DLGAP1: variants seen among roughly 807,000 people sequenced by gnomAD.
DLGAP1 encodes disks large-associated protein 1.
Under a neutral mutation model 90.8 loss-of-function variants are expected in DLGAP1, and 11 were observed. The observed-to-expected ratio is 0.12, with a 90% CI of 0.08 to 0.20. DLGAP1 has a LOEUF of 0.20. DLGAP1 is among the 10% of genes least tolerant of loss of function. The pLI, the probability that DLGAP1 is intolerant of heterozygous loss-of-function variation, is 1.00. For synonymous variants in DLGAP1, 558 were observed against 540.7 expected, an observed-to-expected ratio of 1.03 and a Z score of -0.44; for missense variants, 1,050 against 1,333.8, an observed-to-expected ratio of 0.79 and a Z score of 3.31.
intron 1 of DLGAP1, among the ~76,000 whole-genome samples, chr18:4,312,954 C>T (rs2080437928): frequency 1.3e-5 from 2 of 152,144 alleles, no homozygotes; most frequent in East Asian, 3.9e-4. Flanking sequence ...GACATGCACA[C>T]ACAAACTCAT....
chr18:3,905,611 A>C (rs2071888569), intron 3 of DLGAP1, among the ~76,000 whole-genome samples: 1 of 152,078 alleles, frequency 6.6e-6, no homozygotes, highest in Non-Finnish European at 1.5e-5. Flanking sequence ...AGTTATTCCC[A>C]TTGCCCCTCT....
intron 1 of DLGAP1, among the ~76,000 whole-genome samples, chr18:4,178,255 ATT>A: frequency 1.6e-5 from 2 of 128,002 alleles, no homozygotes; most frequent in African/African-American, 5.9e-5. Flanking sequence ...ACACACACAC[ATT>A]AGAGATAGGG....
intron 6 of DLGAP1, among the ~76,000 whole-genome samples, chr18:3,741,842 T>G (rs373348459): frequency 0.017 from 998 of 57,206 alleles, 14 homozygotes; most frequent in African/African-American, 0.054. Context: ...TTTCTTTTTC[T>G]TTTTCTTTTT....
At chr18:3,844,868 A>T (rs543233848) in intron 4 of DLGAP1, among the ~76,000 whole-genome samples, 2 of 152,308 alleles carry the variant, frequency 1.3e-5, no homozygotes, top group African/African-American at 4.8e-5. Context: ...ACTATATCAT[A>T]GTAAATATAT....
chr18:4,431,814 T>TG (rs1294150627), intron 1 of DLGAP1, among the ~76,000 whole-genome samples: 1 of 152,228 alleles, frequency 6.6e-6, no homozygotes, highest in African/African-American at 2.4e-5. Context: ...AGATTGGCTA[T>TG]GTAGAATCCC....
intron 7 of DLGAP1, among the ~76,000 whole-genome samples, chr18:3,725,133 C>A (rs930394879): frequency 6.6e-6 from 1 of 152,110 alleles, no homozygotes; most frequent in African/African-American, 2.4e-5. Context: ...ACTTTGTGTC[C>A]TTTTTGAAGT....
At chr18:3,851,276 T>C (rs569953246) in intron 4 of DLGAP1, among the ~76,000 whole-genome samples, 53 of 152,188 alleles carry the variant, frequency 3.5e-4, no homozygotes, top group African/African-American at 1.3e-3. Flanking sequence ...CAAATCTCAT[T>C]AGGGCCAGGA....
At chr18:3,806,968 C>T (rs112616694) in intron 5 of DLGAP1, among the ~76,000 whole-genome samples, 2,080 of 152,294 alleles carry the variant, frequency 0.014, 43 homozygotes, top group African/African-American at 0.046. Context: ...TATTAGTCTC[C>T]ACAGAGCTGA....
intron 5 of DLGAP1, among the ~76,000 whole-genome samples, chr18:3,750,055 G>T (rs117333159): frequency 0.022 from 3,280 of 152,216 alleles, 71 homozygotes; most frequent in Middle Eastern, 0.085. Context: ...TGGGGTATGA[G>T]TGATCTCATC....
chr18:4,173,388 G>T (rs1343975180), intron 1 of DLGAP1, among the ~76,000 whole-genome samples: 1 of 152,156 alleles, frequency 6.6e-6, no homozygotes, highest in Non-Finnish European at 1.5e-5. Flanking sequence ...GTTGCTGAAG[G>T]CTGAAAGGTG....
At chr18:3,506,441 A>C (rs1022048773) in intron 11 of DLGAP1, among the ~76,000 whole-genome samples, 1 of 135,760 alleles carries the variant, frequency 7.4e-6, no homozygotes, top group Non-Finnish European at 1.5e-5. Flanking sequence ...TGAACCCAGG[A>C]GGCGGAGGTT....
chr18:4,421,409 A>G (rs2083025917), intron 1 of DLGAP1, among the ~76,000 whole-genome samples: 1 of 152,172 alleles, frequency 6.6e-6, no homozygotes, highest in African/African-American at 2.4e-5. Context: ...TTTCAAGATC[A>G]TTAATTTAAT....
chr18:3,997,648 G>A (rs28612542), intron 3 of DLGAP1, among the ~76,000 whole-genome samples: 63,036 of 151,486 alleles, frequency 0.42, 13,369 homozygotes, highest in South Asian at 0.58. Flanking sequence ...ATAGAAATAT[G>A]AGCCACAAAT....
At chr18:4,186,642 T>G (rs1270019893) in intron 1 of DLGAP1, among the ~76,000 whole-genome samples, 1 of 152,194 alleles carries the variant, frequency 6.6e-6, no homozygotes, top group Non-Finnish European at 1.5e-5. Flanking sequence ...TATGTGTCTT[T>G]TTTTGTACCA....
intron 7 of DLGAP1, chr18:3,604,030 A>G (rs1350448154): frequency 6.5e-6 from 1 of 154,394 alleles, no homozygotes; most frequent in Non-Finnish European, 1.5e-5. Flanking sequence ...TTCCATTTAT[A>G]TAAGAAGCGC....
At chr18:3,955,205 C>T (rs2073061124) in intron 3 of DLGAP1, among the ~76,000 whole-genome samples, 1 of 152,116 alleles carries the variant, frequency 6.6e-6, no homozygotes, top group Non-Finnish European at 1.5e-5. Flanking sequence ...TGCTCAAAGA[C>T]CTCTTGTTTT....
At chr18:4,335,166 C>A (rs2081042165) in intron 1 of DLGAP1, among the ~76,000 whole-genome samples, 1 of 151,942 alleles carries the variant, frequency 6.6e-6, no homozygotes, top group African/African-American at 2.4e-5. Flanking sequence ...AAACAATTAT[C>A]CCAATAGGAG....
chr18:4,294,809 G>A (rs2079936384), intron 1 of DLGAP1: 1 of 152,290 alleles, frequency 6.6e-6, no homozygotes, highest in African/African-American at 2.4e-5. Context: ...ATTGAGTGGT[G>A]GAGGTGGAAC....
At chr18:3,615,554 G>A (rs2057826654) in intron 7 of DLGAP1, among the ~76,000 whole-genome samples, 1 of 152,200 alleles carries the variant, frequency 6.6e-6, no homozygotes, top group Non-Finnish European at 1.5e-5. Context: ...TGACAGCAGA[G>A]AGGGCATTGA....
Sources: gnomAD v4.1 joint callset for allele counts (sites outside exome capture counted in the v4.1 genomes callset) on GRCh38, gnomAD v4.1.1 for gene constraint, MANE v1.5 for transcripts, NCBI Gene and HGNC (gene_info 2026-07-23, HGNC 2026-07-21) for gene names.